Variants in MAGEC3 observed in about 807,000 individuals in gnomAD.
MAGEC3 encodes the protein melanoma-associated antigen C3.
Under a neutral mutation model 35.3 loss-of-function variants are expected in MAGEC3, and 34 were observed. That is an observed-to-expected ratio of 0.96 (90% CI 0.73 to 1.28). The LOEUF is 1.28. Among genes scored for constraint, MAGEC3 ranks in the 50% most tolerant of loss-of-function variants. The pLI is 0.00. For missense variants in MAGEC3, 561 were observed against 483.6 expected (o/e 1.16, Z -1.50); for synonymous variants, 202 against 185.6 (o/e 1.09, Z -0.72).
chrX:141,869,006 C>T (rs369688645), intron 2 of MAGEC3, among the ~76,000 whole-genome samples: 10 of 109,307 alleles, frequency 9.1e-5, no homozygotes, highest in African/African-American at 2.7e-4. Context: ...CTCAGCCTCC[C>T]GAGTAGCTGC....
intron 2 of MAGEC3, among the ~76,000 whole-genome samples, chrX:141,873,307 A>G (rs2017900115): frequency 9.0e-6 from 1 of 110,622 alleles, no homozygotes; most frequent in African/African-American, 3.3e-5. Flanking sequence ...TTAGCTTCCC[A>G]ATCTTAGTGC....
intron 6 of MAGEC3, 82 bp downstream of exon 6, chrX:141,895,641 A>T (rs1283756741): frequency 2.2e-6 from 2 of 921,977 alleles, no homozygotes; most frequent in Non-Finnish European, 2.9e-6. Flanking sequence ...CTTCCCAGAG[A>T]TTCCCACCCT....
At chrX:141,841,895 A>G (rs1243770335) in intron 1 of MAGEC3, among the ~76,000 whole-genome samples, 1 of 112,099 alleles carries the variant, frequency 8.9e-6, no homozygotes, top group Non-Finnish European at 1.9e-5. Context: ...CACTCATAAA[A>G]CATCCTTCTA....
chrX:141,841,087 C>T (rs2017682950), intron 1 of MAGEC3, among the ~76,000 whole-genome samples: 1 of 111,213 alleles, frequency 9.0e-6, no homozygotes, highest in South Asian at 3.8e-4. Context: ...CTTCTTTCTT[C>T]TTTTCTTTCC....
Position 141,872,986 on chromosome X carries a change from C to T in MAGEC3, c.259-6189C>T, listed in dbSNP as rs966150808. On this transcript the variant is annotated intron_variant, in intron 2 of 7. Coordinates refer to ENST00000298296, the MANE Select transcript of MAGEC3 (RefSeq NM_138702.1). ...TCTTGGGTTGCAAGAGAGCCTTTGC[C>T]CCCAACACCCATCCTGGGTTTTGGC... Among the ~76,000 whole-genome samples the T allele has an allele frequency of 2.7e-5, 3 of 112,003 alleles. No individual in the cohort carries two copies. The Admixed American group carries it at 2.8e-4, about 11-fold the overall frequency.
chrX:141,879,659 G>A (rs2017947610), intron 3 of MAGEC3, among the ~76,000 whole-genome samples: 1 of 110,418 alleles, frequency 9.1e-6, no homozygotes, highest in Non-Finnish European at 1.9e-5. Flanking sequence ...AGGAGACCTA[G>A]CCCCACTGGG....
chrX:141,890,189 T>G (rs2018031005), intron 4 of MAGEC3, among the ~76,000 whole-genome samples: 1 of 111,036 alleles, frequency 9.0e-6, no homozygotes, highest in Non-Finnish European at 1.9e-5. Flanking sequence ...GAACCCTGAC[T>G]AATACATATT....
intron 1 of MAGEC3, among the ~76,000 whole-genome samples, chrX:141,849,739 A>T (rs2017739210): frequency 9.0e-6 from 1 of 111,367 alleles, no homozygotes; most frequent in African/African-American, 3.3e-5. Flanking sequence ...TCAAAAAATA[A>T]CACACGCTGG....
intron 1 of MAGEC3, among the ~76,000 whole-genome samples, chrX:141,855,627 C>T (rs932772441): frequency 2.1e-4 from 23 of 111,394 alleles, no homozygotes; most frequent in Admixed American, 1.9e-3. Flanking sequence ...ATATATCCTG[C>T]GACTCAGAAT....
chrX:141,892,627 C>A (rs1225758475), intron 4 of MAGEC3, among the ~76,000 whole-genome samples: 1 of 110,650 alleles, frequency 9.0e-6, no homozygotes, highest in Non-Finnish European at 1.9e-5. Flanking sequence ...GGAAATGATT[C>A]ATTTATTCAC....
intron 2 of MAGEC3, among the ~76,000 whole-genome samples, chrX:141,872,062 A>G (rs2017891775): frequency 9.1e-6 from 1 of 110,298 alleles, no homozygotes; most frequent in Admixed American, 9.6e-5. Flanking sequence ...GAAGGATTTT[A>G]TGAGGGGTGA....
chrX:141,881,415 C>T lies in MAGEC3; in HGVS notation c.528C>T (p.Ser176=), dbSNP rs201684977. The change falls in exon 4 of 8, where the codon AGC becomes AGT. Residue 176 remains serine, a synonymous_variant. Transcript: ENST00000298296. ...GTACCTGGCACAGCTTGCCAGAGAG[C>T]GAGCCCTTGTTCACTTATACACTGG... The part of the protein sequence containing the change: ...WGEKAGSLPE[S]EPLFTYTLDE... 10 of 1,197,393 alleles carry T rather than the reference C, an allele frequency of 8.4e-6. No homozygotes were observed. The highest frequency in any genetic ancestry group is 3.0e-5 in the East Asian group (1 of 33,589).
intron 4 of MAGEC3, among the ~76,000 whole-genome samples, chrX:141,886,981 G>A (rs1203384496): frequency 8.9e-6 from 1 of 112,254 alleles, no homozygotes; most frequent in East Asian, 2.8e-4. Context: ...CATTTGGCCT[G>A]TGCAGAAGAC....
In MAGEC3 at chrX:141,881,419, C is replaced by T. The variant is rs750281896; in HGVS notation, c.532C>T (p.Pro178Ser). The T allele has an allele frequency of 8.3e-6, 10 of 1,201,916 alleles. No individual in the cohort carries two copies. The South Asian group carries it at 1.6e-4, about 20-fold the overall frequency. Residue 178 changes from proline to serine, a missense_variant, in exon 4 of 8, where the codon CCC (proline) becomes TCC (serine). Coordinates refer to ENST00000298296, the MANE Select transcript of MAGEC3 (RefSeq NM_138702.1). ...EKAGSLPESEPLFTYTLDEKV... is the reference protein window; with the variant it reads ...EKAGSLPESESLFTYTLDEKV... ...CTGGCACAGCTTGCCAGAGAGCGAG[C>T]CCTTGTTCACTTATACACTGGATGA...
intron 1 of MAGEC3, among the ~76,000 whole-genome samples, chrX:141,856,061 C>T (rs1312998279): frequency 1.8e-5 from 2 of 111,628 alleles, no homozygotes; most frequent in African/African-American, 3.3e-5. Context: ...GGACATCAGA[C>T]CTAACCCTTG....
At chrX:141,839,708 A>G (rs2017675010) in intron 1 of MAGEC3, 2 of 740,691 alleles carry the variant, frequency 2.7e-6, no homozygotes, top group African/African-American at 4.6e-5. Context: ...TAGCTTTTTA[A>G]TATCTTTATA....
intron 4 of MAGEC3, among the ~76,000 whole-genome samples, chrX:141,886,722 G>A (rs750312351): frequency 9.0e-6 from 1 of 111,134 alleles, no homozygotes; most frequent in Admixed American, 9.5e-5. Flanking sequence ...TTAGCAGCTT[G>A]CAGAACCCCC....
Position 141,895,661 on chromosome X carries a change from AT to A in MAGEC3, c.1123+103del. On this transcript the variant is annotated intron_variant, in intron 6 of 7. Coordinates refer to ENST00000298296, the MANE Select transcript of MAGEC3 (RefSeq NM_138702.1). ...CAGAGATTCCCACCCTGCTCCTCAT[AT>A]CAGCCCTCGTAGAGCTCCTCAGTCA... 4.1e-6 allele frequency: 3 copies of A among 726,103 alleles called. No homozygotes were observed. In the South Asian group the frequency reaches 9.1e-5, roughly 22 times the overall value. The allele number at this position is 726,103 out of a possible 1,213,427, so 59.8% of individuals were successfully genotyped here. A position where few individuals can be genotyped will look rare whatever the true frequency, so the allele number is the denominator to read the frequency against.
chrX:141,869,088 G>A (rs1038539848), intron 2 of MAGEC3, among the ~76,000 whole-genome samples: 10 of 108,587 alleles, frequency 9.2e-5, no homozygotes, highest in Non-Finnish European at 1.7e-4. Flanking sequence ...GTTTCACCGT[G>A]TTAGCCAGGA....
Sources: gnomAD v4.1 joint callset for allele counts (sites outside exome capture counted in the v4.1 genomes callset) on GRCh38, gnomAD v4.1.1 for gene constraint, MANE v1.5 for transcripts, NCBI Gene and HGNC (gene_info 2026-07-23, HGNC 2026-07-21) for gene names.